PLCZ1: variants seen among roughly 807,000 people sequenced by gnomAD.
The protein encoded by PLCZ1 is 1-phosphatidylinositol 4,5-bisphosphate phosphodiesterase zeta-1.
In PLCZ1, 64 loss-of-function variants were observed where a neutral mutation model predicts 76.8. The ratio of observed to expected loss-of-function variants is 0.83; its 90% CI spans 0.68 to 1.03. The LOEUF is 1.03. Ranked by LOEUF, PLCZ1 falls within the 50% of genes least tolerant of loss-of-function variation. The pLI is 0.00. For missense variants in PLCZ1, 751 were observed against 713.7 expected (o/e 1.05, Z -0.60); for synonymous variants, 248 against 230.8 (o/e 1.07, Z -0.68).
At chr12:18,677,541 T>C in the PLCZ1 span, among the ~76,000 whole-genome samples, 1 of 152,034 alleles carries the variant, frequency 6.6e-6, no homozygotes, top group African/African-American at 2.4e-5. Flanking sequence ...TCTTAAAATG[T>C]CCCCTATGCT....
At chr12:18,703,503 A>C (rs1956206383) in intron 7 of PLCZ1, among the ~76,000 whole-genome samples, 1 of 152,128 alleles carries the variant, frequency 6.6e-6, no homozygotes, top group South Asian at 2.1e-4. Context: ...CTTTGTGTTG[A>C]GATGTTATAC....
At chr12:18,661,911 A>G in the PLCZ1 span, among the ~76,000 whole-genome samples, 2,044 of 152,266 alleles carry the variant, frequency 0.013, 53 homozygotes, top group African/African-American at 0.048. Context: ...TGAAGTACAC[A>G]TACACCATGA....
chr12:18,646,523 A>G, the PLCZ1 span, among the ~76,000 whole-genome samples: 2 of 152,152 alleles, frequency 1.3e-5, no homozygotes, highest in Non-Finnish European at 2.9e-5. Flanking sequence ...TTGATAACGT[A>G]ATGAAAGGTA....
At chr12:18,719,377 C>A in intron 5 of PLCZ1, 54 bp downstream of exon 5, 1 of 1,093,686 alleles carries the variant, frequency 9.1e-7, no homozygotes, top group Non-Finnish European at 1.2e-6. Flanking sequence ...GTAGACACTG[C>A]CAGGAACTTC....
At position 18,683,205 on chromosome 12, in the gene PLCZ1, G is replaced by T; in HGVS notation, c.*34C>A. 6.4e-7 allele frequency: 1 copy of T among 1,563,022 alleles called. No individual in the cohort carries two copies. Among genetic ancestry groups the T allele is most frequent in the Non-Finnish European group, 8.8e-7 (1 of 1,134,344 alleles). On this transcript the variant is annotated 3_prime_UTR_variant, in exon 15 of 15. Coordinates refer to ENST00000266505, the MANE Select transcript of PLCZ1 (RefSeq NM_033123.4). ...TTCATTTTGGCTGTTTTATTGCGAT[G>T]CATAGCTAATGATATGTCATTTATC...
the PLCZ1 span, among the ~76,000 whole-genome samples, chr12:18,671,662 A>G: frequency 1.3e-5 from 2 of 152,320 alleles, no homozygotes; most frequent in Middle Eastern, 3.4e-3. Flanking sequence ...AAAAAATTTC[A>G]TTATTGCAGA....
At chr12:18,693,277 T>A (rs56168307) in intron 12 of PLCZ1, 24 of 1,516,154 alleles carry the variant, frequency 1.6e-5, no homozygotes, top group Non-Finnish European at 2.1e-5. Context: ...ATGGATGACA[T>A]GGATCCCCTG....
chr12:18,693,838 C>T, intron 12 of PLCZ1: 1 of 1,530,886 alleles, frequency 6.5e-7, no homozygotes, highest in Non-Finnish European at 9.0e-7. Flanking sequence ...TTGAGTTCCC[C>T]CTGCCTGATG....
intron 12 of PLCZ1, among the ~76,000 whole-genome samples, chr12:18,688,992 AAGG>A (rs933891340): frequency 9.3e-5 from 14 of 150,158 alleles, no homozygotes; most frequent in Admixed American, 9.3e-4. Flanking sequence ...GGAGGGAGAG[AAGG>A]AGTAGAAAAG....
At chr12:18,682,020 C>T (rs1440001746), downstream of PLCZ1, among the ~76,000 whole-genome samples, 4 of 151,958 alleles carry the variant, frequency 2.6e-5, no homozygotes, top group South Asian at 2.1e-4. Flanking sequence ...TAAATAAGAT[C>T]CATTCATTAT....
At chr12:18,656,162 C>T in the PLCZ1 span, among the ~76,000 whole-genome samples, 1 of 152,158 alleles carries the variant, frequency 6.6e-6, no homozygotes, top group Non-Finnish European at 1.5e-5. Context: ...GGCACAGTGG[C>T]TCACACCTGT....
At chr12:18,721,155 C>T (rs1487061) in intron 4 of PLCZ1, among the ~76,000 whole-genome samples, 145,760 of 152,150 alleles carry the variant, frequency 0.96, 69,914 homozygotes, top group East Asian at 1. Context: ...TTTTGAACTA[C>T]TGAATAATTA....
At chr12:18,719,238 C>G (rs1958288894) in intron 5 of PLCZ1, among the ~76,000 whole-genome samples, 193 bp downstream of exon 5, 1 of 152,056 alleles carries the variant, frequency 6.6e-6, no homozygotes, top group South Asian at 2.1e-4. Context: ...CTAATGCATA[C>G]AATAAATTAC....
chr12:18,689,225 T>C (rs1012516552), intron 12 of PLCZ1, among the ~76,000 whole-genome samples: 23 of 152,040 alleles, frequency 1.5e-4, no homozygotes, highest in African/African-American at 5.1e-4. Flanking sequence ...TTACAGGTAA[T>C]AGACCCTTCC....
chr12:18,693,456 C>A (rs1199386883), intron 12 of PLCZ1: 18 of 1,605,510 alleles, frequency 1.1e-5, no homozygotes, highest in South Asian at 2.2e-5. Flanking sequence ...CTCTGTGGTC[C>A]ACCTGGCACA....
the PLCZ1 span, among the ~76,000 whole-genome samples, chr12:18,659,432 C>A: frequency 6.6e-6 from 1 of 152,238 alleles, no homozygotes. Context: ...ATCATCCCTG[C>A]ATACTTAGAG....
chr12:18,709,596 C>A (rs560839527), intron 6 of PLCZ1, among the ~76,000 whole-genome samples: 3 of 151,864 alleles, frequency 2.0e-5, no homozygotes, highest in Admixed American at 2.0e-4. Flanking sequence ...AATCTGTACA[C>A]TGTAGCCTAG....
At chr12:18,700,012 C>A (rs1179259967) in intron 9 of PLCZ1, 62 bp from the exon 10 acceptor site, 1 of 1,426,054 alleles carries the variant, frequency 7.0e-7, no homozygotes, top group Non-Finnish European at 9.7e-7. Context: ...AAAATTTTTT[C>A]TAGTAAAGAA....
intron 6 of PLCZ1, among the ~76,000 whole-genome samples, chr12:18,707,533 C>T (rs1416779031): frequency 1.3e-5 from 2 of 152,022 alleles, no homozygotes; most frequent in Non-Finnish European, 2.9e-5. Flanking sequence ...CAATGTTTGC[C>T]CCCCATTTCC....
Sources: gnomAD v4.1 joint callset for allele counts (sites outside exome capture counted in the v4.1 genomes callset) on GRCh38, gnomAD v4.1.1 for gene constraint, MANE v1.5 for transcripts, NCBI Gene and HGNC (gene_info 2026-07-23, HGNC 2026-07-21) for gene names.